The following PARD3B variants were observed in gnomAD, a reference collection of about 807,000 sequenced individuals.
The protein encoded by PARD3B is par-3 family cell polarity regulator beta.
Under a neutral mutation model 130.2 loss-of-function variants are expected in PARD3B, and 103 were observed. The observed-to-expected ratio is 0.79, with a 90% CI of 0.67 to 0.93. The LOEUF (loss-of-function observed/expected upper bound fraction) is 0.93, where lower values mean the gene tolerates loss of function less well. Ranked by LOEUF, PARD3B falls within the 40% of genes least tolerant of loss-of-function variation. PARD3B has a pLI of 0.00. For missense variants in PARD3B, 1,609 were observed against 1,499.2 expected, an observed-to-expected ratio of 1.07 and a Z score of -1.21; for synonymous variants, 583 against 553.2, an observed-to-expected ratio of 1.05 and a Z score of -0.76.
In PARD3B at chr2:205,229,064, A is replaced by AAT. The variant is rs2038705321; in HGVS notation, c.2141-16714_2141-16713insAT. On this transcript the variant is annotated intron_variant, in intron 15 of 22. Transcript: ENST00000406610. The surrounding 1 kb of genome is among the most constrained non-coding windows in gnomAD (Gnocchi z 5.2). ...TCAAAACAGCTATTTTGAATTCTGT[A>AAT]TCTGAAAGGTCACTTATGTCTGTCT... Among the ~76,000 whole-genome samples the AAT allele has an allele frequency of 6.6e-6, 1 of 152,182 alleles. No individual in the cohort carries two copies. Among genetic ancestry groups the AAT allele is most frequent in the Non-Finnish European group, 1.5e-5 (1 of 68,022 alleles).
chr2:205,567,803 C>T (rs1435110302), intron 22 of PARD3B, among the ~76,000 whole-genome samples: 1 of 150,926 alleles, frequency 6.6e-6, no homozygotes, highest in South Asian at 2.1e-4. Context: ...ATTTGAGAAG[C>T]GATCCCAGGA....
chr2:204,715,484 CTTT>C (rs77864369), intron 2 of PARD3B, among the ~76,000 whole-genome samples: 2 of 135,522 alleles, frequency 1.5e-5, no homozygotes, highest in Admixed American at 1.5e-4. Context: ...TGCTGTTTTT[CTTT>C]TTTTTTTTTT....
At chr2:204,735,106 G>A (rs1456354324) in intron 2 of PARD3B, among the ~76,000 whole-genome samples, 2 of 150,548 alleles carry the variant, frequency 1.3e-5, no homozygotes, top group Non-Finnish European at 2.9e-5. Context: ...GTGGTTGTCA[G>A]TGACAACCAC....
intron 2 of PARD3B, among the ~76,000 whole-genome samples, chr2:204,909,992 A>G (rs1011331087): frequency 6.6e-6 from 1 of 152,140 alleles, no homozygotes; most frequent in African/African-American, 2.4e-5. Flanking sequence ...ATGATGTATG[A>G]CAGGATTGTG....
intron 2 of PARD3B, among the ~76,000 whole-genome samples, chr2:204,855,422 G>A (rs1159975261): frequency 6.6e-6 from 1 of 151,634 alleles, no homozygotes; most frequent in Non-Finnish European, 1.5e-5. Flanking sequence ...TGTACCTGTA[G>A]TCTCAGCTAC....
intron 1 of PARD3B, among the ~76,000 whole-genome samples, chr2:204,553,540 GTGT>G (rs1559152026): frequency 1.4e-4 from 3 of 21,782 alleles, no homozygotes; most frequent in African/African-American, 2.2e-4. Flanking sequence ...TCTGTGGGGT[GTGT>G]GTGTGTGTGT....
intron 2 of PARD3B, among the ~76,000 whole-genome samples, chr2:204,842,740 G>A (rs917172156): frequency 2.6e-5 from 4 of 152,068 alleles, no homozygotes; most frequent in Non-Finnish European, 5.9e-5. Flanking sequence ...CATTTTTGTT[G>A]AAACCTGACT....
rs749233680 is a variant in PARD3B at position 205,245,798 on chromosome 2, C to T, written c.2161C>T (p.His721Tyr). 6 of 1,602,718 alleles carry T rather than the reference C, an allele frequency of 3.7e-6. No homozygotes were observed. The highest frequency in any genetic ancestry group is 5.1e-6 in the Non-Finnish European group (6 of 1,170,242). Residue 721 changes from histidine (H) to tyrosine (Y), a missense_variant, in exon 16 of 23, where the codon CAC (histidine) becomes TAC (tyrosine). By Grantham distance (83) the His-to-Tyr change is moderately conservative. Transcript: ENST00000406610. ...CTCAGTGCCAGATGAAAGCAAGGTT[C>T]ACTCATTGGCTGGACAAAAATCGGG... is the stretch of plus-strand genomic sequence containing the variant. ...MDLVPDESKV[H>Y]SLAGQKSESP...
rs2033018918 is a variant in PARD3B at position 205,142,230 on chromosome 2, G to C, written c.1435-16492G>C. Among the ~76,000 whole-genome samples the C allele has an allele frequency of 6.6e-6, 1 of 152,178 alleles. No individual in the cohort carries two copies. Among genetic ancestry groups the C allele is most frequent in the African/African-American group, 2.4e-5 (1 of 41,450 alleles). ...AGTGGGTGGCAAAGCAGGGTAAAGA[G>C]AGAGCATAAGTTTTAGGTGGAGAGA... On this transcript the variant is annotated intron_variant, in intron 10 of 22. Transcript: ENST00000406610. The surrounding 1 kb of genome is among the most constrained non-coding windows in gnomAD (Gnocchi z 4.3).
chr2:205,529,785 C>A (rs1422808226), intron 21 of PARD3B, among the ~76,000 whole-genome samples: 1 of 152,150 alleles, frequency 6.6e-6, no homozygotes, highest in Non-Finnish European at 1.5e-5. Flanking sequence ...AAAAGCTGAT[C>A]TACGAGGGTT....
In PARD3B at chr2:205,301,829, A is replaced by G. The variant is rs543986434; in HGVS notation, c.2630+128A>G. On this transcript the variant is annotated intron_variant, in intron 18 of 22. Transcript: ENST00000406610. The surrounding 1 kb of genome is among the most constrained non-coding windows in gnomAD (Gnocchi z 5.2). ...TTCAGCCAAATGCATACGGCTCTCA[A>G]TTCTGTGCTCGTTCTCTTTCTGCAG... 16 of 1,419,300 alleles carry G rather than the reference A, an allele frequency of 1.1e-5. No individual in the cohort carries two copies. In the South Asian group the frequency reaches 1.8e-4, roughly 16 times the overall value. 87.9% of individuals were successfully genotyped at this position (1,419,300 alleles called of 1,614,324 possible). A position where few individuals can be genotyped will look rare whatever the true frequency, so the allele number is the denominator to read the frequency against.
chr2:205,326,410 A>G (rs996700997), intron 18 of PARD3B, among the ~76,000 whole-genome samples: 1 of 152,182 alleles, frequency 6.6e-6, no homozygotes, highest in African/African-American at 2.4e-5. Flanking sequence ...CATTGAAAGA[A>G]TTGGCTGCAA....
chr2:205,561,538 T>C (rs1029241425), intron 22 of PARD3B, among the ~76,000 whole-genome samples: 4 of 152,182 alleles, frequency 2.6e-5, no homozygotes, highest in African/African-American at 9.7e-5. Context: ...GCTTGTCAAA[T>C]AAGATGCTTC....
In PARD3B at chr2:205,616,687, T is replaced by G. The variant is rs1384078367; in HGVS notation, c.*874T>G. On this transcript the variant is annotated 3_prime_UTR_variant, in exon 23 of 23. Transcript: ENST00000406610. ...CCCCAAATCTCCTGCCTATAATTAC[T>G]TTAACTGGGGTCTCTAAGGTTCCCA... 6.6e-6 allele frequency: 1 copy of G among 152,172 alleles called. No homozygotes were observed. Among genetic ancestry groups the G allele is most frequent in the African/African-American group, 2.4e-5 (1 of 41,436 alleles). 9.4% of individuals were successfully genotyped at this position (152,172 alleles called of 1,614,324 possible). A position where few individuals can be genotyped will look rare whatever the true frequency, so the allele number is the denominator to read the frequency against.
At chr2:204,592,427 T>G (rs1010801162) in intron 1 of PARD3B, among the ~76,000 whole-genome samples, 1 of 152,220 alleles carries the variant, frequency 6.6e-6, no homozygotes, top group Non-Finnish European at 1.5e-5. Context: ...TACCATGAAA[T>G]TCTGTTGTTT....
In PARD3B at chr2:205,325,193, A is replaced by T. The variant is rs2042897288; in HGVS notation, c.2630+23492A>T. Reference sequence around the variant, plus strand: ...AACATATATTTGATCTTCTACCAAAATTTTTGCTGTGGTTTCACAGTTTCT... The same window carrying T: ...AACATATATTTGATCTTCTACCAAATTTTTTGCTGTGGTTTCACAGTTTCT... On this transcript the variant is annotated intron_variant, in intron 18 of 22. Coordinates refer to ENST00000406610, the MANE Select transcript of PARD3B (RefSeq NM_001302769.2). The surrounding 1 kb of genome is among the most constrained non-coding windows in gnomAD (Gnocchi z 4.1). Among the ~76,000 whole-genome samples the T allele has an allele frequency of 6.6e-6, 1 of 152,088 alleles. No homozygotes were observed. The highest frequency in any genetic ancestry group is 1.5e-5 in the Non-Finnish European group (1 of 68,018).
chr2:205,281,286 G>C lies in PARD3B; in HGVS notation c.2186-19244G>C, dbSNP rs1295656432. 2.0e-5 allele frequency among the ~76,000 whole-genome samples: 3 copies of C among 152,172 alleles called. No homozygotes were observed. The East Asian group carries it at 5.8e-4, about 29-fold the overall frequency. On this transcript the variant is annotated intron_variant, in intron 16 of 22. Transcript: ENST00000406610. This position sits in a 1 kb window ranked among gnomAD's most constrained non-coding sequence, Gnocchi z 4.2. Reference sequence around the variant, plus strand: ...ATAAACATCTACTTTAGCATCTCAGGTACTGAAAAGAATTTGAAAATTAGA... The same window carrying C: ...ATAAACATCTACTTTAGCATCTCAGCTACTGAAAAGAATTTGAAAATTAGA...
intron 4 of PARD3B, among the ~76,000 whole-genome samples, chr2:205,073,747 A>G (rs1026973390): frequency 2.0e-5 from 3 of 152,138 alleles, no homozygotes; most frequent in African/African-American, 4.8e-5. Flanking sequence ...AGAACAGGAA[A>G]CCATTAAAAA....
intron 18 of PARD3B, among the ~76,000 whole-genome samples, chr2:205,389,477 C>A (rs553910852): frequency 6.6e-6 from 1 of 152,116 alleles, no homozygotes; most frequent in African/African-American, 2.4e-5. Context: ...ATTCTTTTGC[C>A]TCAGCCTCCC....
Sources: gnomAD v4.1 joint callset for allele counts (sites outside exome capture counted in the v4.1 genomes callset) on GRCh38, gnomAD v4.1.1 for gene constraint, Gnocchi (gnomAD v3.1) non-coding constraint, MANE v1.5 for transcripts, NCBI Gene and HGNC (gene_info 2026-07-23, HGNC 2026-07-21) for gene names.